The following MARCHF1 variants were observed in gnomAD, a reference collection of about 807,000 sequenced individuals.
The protein encoded by MARCHF1 is membrane associated ring-CH-type finger 1.
A neutral mutation model predicts 54.2 loss-of-function variants in MARCHF1; 40 were observed. That is an observed-to-expected ratio of 0.74 (90% CI 0.57 to 0.96). The LOEUF (loss-of-function observed/expected upper bound fraction) is 0.96, where lower values mean the gene tolerates loss of function less well. Among genes scored for constraint, MARCHF1 ranks in the 40% least tolerant of loss-of-function variants. MARCHF1 has a pLI of 0.00. For synonymous variants in MARCHF1, 236 were observed against 236.3 expected, an observed-to-expected ratio of 1.00 and a Z score of 0.01; for missense variants, 586 against 656.5, an observed-to-expected ratio of 0.89 and a Z score of 1.17.
chr4:163,647,535 T>C (rs750780132), intron 5 of MARCHF1, among the ~76,000 whole-genome samples: 1 of 151,872 alleles, frequency 6.6e-6, no homozygotes, highest in Non-Finnish European at 1.5e-5. Flanking sequence ...TCTTAACAAA[T>C]TTAAAAAGAC....
At chr4:163,564,459 A>G (rs1477566142) in intron 8 of MARCHF1, among the ~76,000 whole-genome samples, 1 of 152,250 alleles carries the variant, frequency 6.6e-6, no homozygotes, top group Non-Finnish European at 1.5e-5. Context: ...GCTCTGAACC[A>G]TTAAGACCCA....
At chr4:164,296,125 T>A (rs1158517526) in intron 1 of MARCHF1, among the ~76,000 whole-genome samples, 2 of 152,100 alleles carry the variant, frequency 1.3e-5, no homozygotes, top group South Asian at 4.1e-4. Context: ...TAAAAAAAAA[T>A]TTACCTTAAC....
intron 2 of MARCHF1, among the ~76,000 whole-genome samples, chr4:164,029,956 C>T (rs1332541383): frequency 6.6e-6 from 1 of 152,176 alleles, no homozygotes; most frequent in Admixed American, 6.6e-5. Flanking sequence ...TTCCTTTCCC[C>T]TTTGGGGATT....
intron 2 of MARCHF1, among the ~76,000 whole-genome samples, chr4:164,086,539 C>T (rs1755195965): frequency 6.6e-6 from 1 of 151,908 alleles, no homozygotes; most frequent in African/African-American, 2.4e-5. Context: ...TGTGTATTAT[C>T]TCACTGAACT....
chr4:163,695,521 G>T (rs1744600576), intron 5 of MARCHF1, among the ~76,000 whole-genome samples: 1 of 152,078 alleles, frequency 6.6e-6, no homozygotes, highest in Admixed American at 6.6e-5. Context: ...ACTAACTGAA[G>T]AATTGAAATG....
intron 4 of MARCHF1, among the ~76,000 whole-genome samples, chr4:163,846,002 T>A (rs1260338158): frequency 2.6e-5 from 4 of 152,208 alleles, no homozygotes; most frequent in Admixed American, 2.6e-4. Context: ...CAAAGTTCTT[T>A]AAAAGCATCA....
intron 9 of MARCHF1, among the ~76,000 whole-genome samples, chr4:163,531,826 A>C (rs975861832): frequency 6.6e-6 from 1 of 151,828 alleles, no homozygotes; most frequent in African/African-American, 2.4e-5. Flanking sequence ...GCCCATTTAC[A>C]TTTGTGCCAA....
chr4:164,028,929 T>C (rs1359309946), intron 2 of MARCHF1, among the ~76,000 whole-genome samples: 1 of 152,158 alleles, frequency 6.6e-6, no homozygotes, highest in African/African-American at 2.4e-5. Flanking sequence ...ATAAACCTTA[T>C]TGAATTTTAC....
At chr4:163,857,474 C>A (rs534790112) in intron 3 of MARCHF1, among the ~76,000 whole-genome samples, 1 of 152,058 alleles carries the variant, frequency 6.6e-6, no homozygotes, top group Admixed American at 6.6e-5. Context: ...ATGTAAGTAT[C>A]ATTAGTAATA....
At chr4:163,898,652 A>G (rs1409639393) in intron 3 of MARCHF1, among the ~76,000 whole-genome samples, 1 of 152,156 alleles carries the variant, frequency 6.6e-6, no homozygotes, top group African/African-American at 2.4e-5. Context: ...AAAACTAGAA[A>G]TATCACTCAA....
intron 5 of MARCHF1, among the ~76,000 whole-genome samples, chr4:163,664,266 T>C (rs1321044107): frequency 6.6e-6 from 1 of 152,082 alleles, no homozygotes; most frequent in Non-Finnish European, 1.5e-5. Context: ...GAGAACAGAT[T>C]GCTCAGTACA....
At chr4:164,320,273 A>C (rs1735107076) in intron 1 of MARCHF1, among the ~76,000 whole-genome samples, 1 of 152,172 alleles carries the variant, frequency 6.6e-6, no homozygotes, top group African/African-American at 2.4e-5. Context: ...TTCATTAGGG[A>C]ATTAAGTCCA....
chr4:163,594,996 C>A (rs951125316), intron 7 of MARCHF1, among the ~76,000 whole-genome samples: 1 of 152,174 alleles, frequency 6.6e-6, no homozygotes, highest in Non-Finnish European at 1.5e-5. Context: ...ATCTGAACTC[C>A]CATGTTCATT....
intron 2 of MARCHF1, among the ~76,000 whole-genome samples, chr4:163,993,035 G>A (rs948810256): frequency 1.3e-5 from 2 of 151,916 alleles, no homozygotes; most frequent in Non-Finnish European, 2.9e-5. Flanking sequence ...AAGTTATCAT[G>A]GCACAAAGAA....
intron 5 of MARCHF1, among the ~76,000 whole-genome samples, chr4:163,620,699 A>C (rs1741666271): frequency 4.6e-5 from 7 of 152,060 alleles, no homozygotes; most frequent in Admixed American, 4.6e-4. Flanking sequence ...AGAAAAATAA[A>C]GTTTCAAAAT....
chr4:164,050,101 C>G (rs1754328566), intron 2 of MARCHF1, among the ~76,000 whole-genome samples: 1 of 151,460 alleles, frequency 6.6e-6, no homozygotes, highest in Non-Finnish European at 1.5e-5. Flanking sequence ...ATGGTAAAGC[C>G]CTATCTCTAC....
chr4:163,830,173 C>T (rs1374153450), intron 4 of MARCHF1, among the ~76,000 whole-genome samples: 1 of 152,016 alleles, frequency 6.6e-6, no homozygotes, highest in Non-Finnish European at 1.5e-5. Flanking sequence ...TAAATGCAGA[C>T]TAGATCAAAC....
At chr4:163,854,316 G>A (rs1047850348) in intron 3 of MARCHF1, 147 bp from the exon 4 acceptor site, 24 of 572,630 alleles carry the variant, frequency 4.2e-5, no homozygotes, top group South Asian at 2.9e-4. Flanking sequence ...AGGAAAAGAA[G>A]AATATGCTGA....
chr4:164,293,946 C>A (rs1336553377), intron 1 of MARCHF1, among the ~76,000 whole-genome samples: 1 of 152,186 alleles, frequency 6.6e-6, no homozygotes, highest in Non-Finnish European at 1.5e-5. Flanking sequence ...CTGGGAGAGG[C>A]AGACCCACCC....
Sources: allele counts gnomAD v4.1 joint callset (sites outside exome capture counted in the v4.1 genomes callset), GRCh38; gene constraint gnomAD v4.1.1; transcripts MANE v1.5; gene names NCBI Gene and HGNC (gene_info 2026-07-23, HGNC 2026-07-21).